The following NRG1 variants were observed in gnomAD, a reference collection of about 807,000 sequenced individuals.
The protein encoded by NRG1 is neuregulin 1.
NRG1 carries 18 observed loss-of-function variants against 63.8 expected under a neutral mutation model. The ratio of observed to expected loss-of-function variants is 0.28; its 90% confidence interval spans 0.19 to 0.42. The LOEUF is 0.42. Among genes scored for constraint, NRG1 ranks in the 10% least tolerant of loss-of-function variants. The probability of loss-of-function intolerance (pLI) is 1.00; values close to 1 mark genes in which losing one functional copy is unlikely to be tolerated. For synonymous variants in NRG1, 302 were observed against 301.3 expected, an observed-to-expected ratio of 1.00 and a Z score of -0.02; for missense variants, 762 against 814.7, an observed-to-expected ratio of 0.94 and a Z score of 0.79.
exon 1 of NRG1, chr8:31,639,414 G>A: frequency 2.6e-6 from 4 of 1,534,814 alleles, no homozygotes; most frequent in Non-Finnish European, 3.5e-6. Flanking sequence ...GGACGCGCGG[G>A]CCGAGTTGGC....
intron 1 of NRG1, among the ~76,000 whole-genome samples, chr8:31,753,442 A>C (rs1290386446): frequency 6.6e-6 from 1 of 152,080 alleles, no homozygotes; most frequent in East Asian, 1.9e-4. Flanking sequence ...AGATTTTGGA[A>C]GGTTACACAC....
chr8:32,221,430 G>C (rs1845805234), intron 1 of NRG1, among the ~76,000 whole-genome samples: 1 of 152,178 alleles, frequency 6.6e-6, no homozygotes, highest in Non-Finnish European at 1.5e-5. Context: ...GCAAGACTGT[G>C]TTGCCTCTAA....
intron 1 of NRG1, among the ~76,000 whole-genome samples, chr8:32,360,431 T>G (rs949406197): frequency 1.3e-5 from 2 of 152,206 alleles, no homozygotes; most frequent in African/African-American, 4.8e-5. Flanking sequence ...CATTCTCAGA[T>G]GTAGAAGCAA....
chr8:32,279,668 A>C (rs1211367566), intron 1 of NRG1, among the ~76,000 whole-genome samples: 1 of 152,184 alleles, frequency 6.6e-6, no homozygotes, highest in Non-Finnish European at 1.5e-5. Context: ...AGAAAGTTTA[A>C]GTGACTTGCC....
At chr8:32,384,945 A>G (rs1457236254) in intron 1 of NRG1, among the ~76,000 whole-genome samples, 2 of 152,212 alleles carry the variant, frequency 1.3e-5, no homozygotes, top group African/African-American at 4.8e-5. Flanking sequence ...CAAATTTTTA[A>G]GAGAAAAAGT....
intron 1 of NRG1, among the ~76,000 whole-genome samples, chr8:32,216,975 G>T (rs1845295938): frequency 6.6e-6 from 1 of 152,030 alleles, no homozygotes; most frequent in Non-Finnish European, 1.5e-5. Context: ...CACTTTGGGA[G>T]ACCAAGGCGG....
intron 1 of NRG1, among the ~76,000 whole-genome samples, chr8:31,749,392 A>C (rs557004008): frequency 6.6e-6 from 1 of 152,022 alleles, no homozygotes; most frequent in South Asian, 2.1e-4. Flanking sequence ...ATTTTCAAAA[A>C]TGATACTTGC....
In NRG1 at chr8:31,875,387, C is replaced by G. The variant is rs183701212; in HGVS notation, c.37+235956C>G. ...CAATAAAGAAAGAATATGTCTTCCT[C>G]TATAAAGAAAGGCCACTTTATAATG... is the stretch of plus-strand genomic sequence containing the variant. On this transcript the variant is annotated intron_variant, in intron 1 of 10. Coordinates refer to the NRG1 transcript ENST00000519301. Among the ~76,000 whole-genome samples, 77 of 152,268 alleles carry G rather than the reference C, an allele frequency of 5.1e-4. 1 individual carries two copies. Among genetic ancestry groups the G allele is most frequent in the African/African-American group, 1.6e-3 (67 of 41,562 alleles).
intron 7 of NRG1, among the ~76,000 whole-genome samples, chr8:32,752,755 C>CTCCA (rs1171125588): frequency 6.6e-6 from 1 of 152,072 alleles, no homozygotes; most frequent in East Asian, 1.9e-4. Flanking sequence ...TCCTTTCCAC[C>CTCCA]TCCAACCCTT....
intron 6 of NRG1, among the ~76,000 whole-genome samples, chr8:32,729,836 C>T (rs369162790): frequency 3.3e-5 from 5 of 152,104 alleles, no homozygotes; most frequent in African/African-American, 2.4e-5. Flanking sequence ...GTAGATTGGG[C>T]GTGTCTGTAG....
intron 1 of NRG1, among the ~76,000 whole-genome samples, chr8:32,449,881 G>A (rs1242986567): frequency 6.6e-6 from 1 of 152,166 alleles, no homozygotes; most frequent in Non-Finnish European, 1.5e-5. Context: ...CAGTGCATCA[G>A]ATACAACCTA....
At chr8:32,449,975 G>A (rs1302678894) in intron 1 of NRG1, among the ~76,000 whole-genome samples, 2 of 152,144 alleles carry the variant, frequency 1.3e-5, no homozygotes, top group African/African-American at 4.8e-5. Context: ...AAAGTTCCGG[G>A]ATGGGAACAG....
intron 1 of NRG1, among the ~76,000 whole-genome samples, chr8:32,223,897 G>C (rs914045471): frequency 6.6e-6 from 1 of 152,160 alleles, no homozygotes; most frequent in African/African-American, 2.4e-5. Context: ...AGAGGGAGAA[G>C]AGAAAATAAG....
chr8:32,254,865 GAATCTGGT>G (rs1347515687), intron 1 of NRG1, among the ~76,000 whole-genome samples: 2 of 151,988 alleles, frequency 1.3e-5, no homozygotes, highest in Admixed American at 1.3e-4. Context: ...CTCATATTGG[GAATCTGGT>G]TGCTCCTTGT....
intron 1 of NRG1, among the ~76,000 whole-genome samples, chr8:32,138,487 A>G (rs1835832746): frequency 6.6e-6 from 1 of 151,990 alleles, no homozygotes; most frequent in African/African-American, 2.4e-5. Context: ...GGTAACCAGG[A>G]CACATTGGTA....
chr8:32,527,851 A>G (rs1831028422), intron 1 of NRG1, among the ~76,000 whole-genome samples: 1 of 151,734 alleles, frequency 6.6e-6, no homozygotes, highest in African/African-American at 2.4e-5. Flanking sequence ...TTTTTTTCAC[A>G]CCCCACATAC....
intron 5 of NRG1, among the ~76,000 whole-genome samples, chr8:32,678,165 A>T (rs1339853131): frequency 6.6e-6 from 1 of 152,148 alleles, no homozygotes; most frequent in African/African-American, 2.4e-5. Flanking sequence ...ATTTAATTAC[A>T]TTTAAATTAT....
chr8:32,763,315 C>T (rs1293537684), intron 11 of NRG1: 2 of 1,613,970 alleles, frequency 1.2e-6, no homozygotes, highest in East Asian at 2.2e-5. Flanking sequence ...TTCTTCCATT[C>T]CCCATTTGGG....
chr8:32,674,136 A>G (rs564446831), intron 5 of NRG1, among the ~76,000 whole-genome samples: 11 of 152,294 alleles, frequency 7.2e-5, no homozygotes, highest in African/African-American at 2.4e-4. Context: ...AATTTTATAT[A>G]TGTCTTTGTC....
Sources: allele counts gnomAD v4.1 joint callset (sites outside exome capture counted in the v4.1 genomes callset), GRCh38; gene constraint gnomAD v4.1.1; transcripts MANE v1.5; gene names NCBI Gene and HGNC (gene_info 2026-07-23, HGNC 2026-07-21).